CERK: variants seen among roughly 807,000 people sequenced by gnomAD.
The protein encoded by CERK is acylsphingosine kinase.
Under a neutral mutation model 63.4 loss-of-function variants are expected in CERK, and 39 were observed. The observed-to-expected ratio is 0.61, with a 90% confidence interval of 0.48 to 0.80. The LOEUF is 0.80. Among genes scored for constraint, CERK ranks in the 30% least tolerant of loss-of-function variants. The pLI is 0.00. For missense variants in CERK, 670 were observed against 714.1 expected, an observed-to-expected ratio of 0.94 and a Z score of 0.70; for synonymous variants, 302 against 280.0, an observed-to-expected ratio of 1.08 and a Z score of -0.78.
intron 12 of CERK, among the ~76,000 whole-genome samples, chr22:46,687,633 G>A (rs1308245783): frequency 2.0e-5 from 3 of 150,862 alleles, no homozygotes; most frequent in African/African-American, 4.9e-5. Context: ...CAAGGCCTGC[G>A]AGGAGTCTGT....
At chr22:46,718,142 GT>G (rs2082875180) in intron 3 of CERK, among the ~76,000 whole-genome samples, 2 of 152,148 alleles carry the variant, frequency 1.3e-5, no homozygotes, top group Non-Finnish European at 2.9e-5. Flanking sequence ...AGTTAAAATT[GT>G]AGAGTAGCTG....
At chr22:46,711,239 C>A in intron 4 of CERK, 90 bp from the exon 5 acceptor site, 1 of 918,070 alleles carries the variant, frequency 1.1e-6, no homozygotes, top group Non-Finnish European at 1.8e-6. Context: ...AAAATGAGTT[C>A]CTGTAACACC....
intron 1 of CERK, among the ~76,000 whole-genome samples, chr22:46,734,863 T>G (rs878897973): frequency 3.3e-5 from 5 of 152,236 alleles, no homozygotes; most frequent in Non-Finnish European, 5.9e-5. Flanking sequence ...CTTACTTTTG[T>G]AAGCAGGAAA....
In CERK at chr22:46,714,303, G is replaced by A. The variant is rs1445831857; in HGVS notation, c.380-2010C>T. On this transcript the variant is annotated intron_variant, in intron 3 of 12. Coordinates refer to ENST00000216264, the MANE Select transcript of CERK (RefSeq NM_022766.6). This position sits in a 1 kb window ranked among gnomAD's most constrained non-coding sequence, Gnocchi z 4.4. The stretch of plus-strand genomic sequence containing the variant: ...ACAAACAAACAAACAAATTAGCTGG[G>A]TGTGGTGGTATGCCCTTGTAGTCCC... Among the ~76,000 whole-genome samples the A allele has an allele frequency of 6.6e-6, 1 of 152,042 alleles. No homozygotes were observed. The highest frequency in any genetic ancestry group is 1.5e-5 in the Non-Finnish European group (1 of 68,018).
intron 3 of CERK, among the ~76,000 whole-genome samples, chr22:46,717,828 C>A (rs1336795080): frequency 6.6e-6 from 1 of 152,222 alleles, no homozygotes; most frequent in Non-Finnish European, 1.5e-5. Flanking sequence ...AGCCTGTAAT[C>A]CCAGCACTTT....
At position 46,688,249 on chromosome 22, in the gene CERK, C is replaced by T. The variant is rs1010391673; in HGVS notation, c.1542-1043G>A. Among the ~76,000 whole-genome samples, 3 of 152,184 alleles carry T rather than the reference C, an allele frequency of 2.0e-5. No homozygotes were observed. The South Asian group carries it at 6.2e-4, about 32-fold the overall frequency. ...CTGTTTCCATGGAGCTGAGCTCACA[C>T]ACACACAAATTATATTTTTAAAAGC... On this transcript the variant is annotated intron_variant, in intron 12 of 12. Coordinates refer to ENST00000216264, the MANE Select transcript of CERK (RefSeq NM_022766.6).
At chr22:46,706,179 G>C (rs1391273600) in intron 6 of CERK, among the ~76,000 whole-genome samples, 2 of 152,226 alleles carry the variant, frequency 1.3e-5, no homozygotes, top group Non-Finnish European at 2.9e-5. Flanking sequence ...GAGGGAGTTT[G>C]GGTGCCAGGG....
At chr22:46,706,452 G>A (rs909794906) in intron 6 of CERK, among the ~76,000 whole-genome samples, 1 of 152,092 alleles carries the variant, frequency 6.6e-6, no homozygotes, top group Non-Finnish European at 1.5e-5. Context: ...TGAGAGACTT[G>A]TTATTGGAAG....
At chr22:46,693,351 A>G in intron 10 of CERK, 76 bp downstream of exon 10, 1 of 1,171,532 alleles carries the variant, frequency 8.5e-7, no homozygotes, top group Non-Finnish European at 1.3e-6. Flanking sequence ...GAGAAGAGGC[A>G]GTGCCCTGAG....
chr22:46,717,164 C>T (rs1024175439), intron 3 of CERK, among the ~76,000 whole-genome samples: 5 of 152,146 alleles, frequency 3.3e-5, no homozygotes, highest in African/African-American at 1.2e-4. Flanking sequence ...AAAGGTGTGG[C>T]TAAGATGTGG....
At chr22:46,697,479 C>T (rs2082762185) in intron 8 of CERK, among the ~76,000 whole-genome samples, 1 of 151,770 alleles carries the variant, frequency 6.6e-6, no homozygotes, top group Non-Finnish European at 1.5e-5. Flanking sequence ...GAGATGGGGT[C>T]TCCCTATGTC....
At position 46,684,482 on chromosome 22, in the gene CERK, C is replaced by T. The variant is rs189910453; in HGVS notation, c.*2652G>A. ...ATAATGCCATTTTCTAATCTTGAAA[C>T]CAGCAAGATTAGAAAGAGAATGAGG... is the stretch of plus-strand genomic sequence containing the variant. On this transcript the variant is annotated 3_prime_UTR_variant, in exon 13 of 13. Transcript: ENST00000216264. 5 of 152,262 alleles carry T rather than the reference C, an allele frequency of 3.3e-5. No individual in the cohort carries two copies. Among genetic ancestry groups the T allele is most frequent in the African/African-American group, 1.2e-4 (5 of 41,530 alleles). 9.4% of individuals were successfully genotyped at this position (152,262 alleles called of 1,614,324 possible).
At chr22:46,696,793 G>T (rs998036026) in intron 8 of CERK, among the ~76,000 whole-genome samples, 5 of 152,206 alleles carry the variant, frequency 3.3e-5, no homozygotes, top group Non-Finnish European at 5.9e-5. Flanking sequence ...ATCCTGGTGG[G>T]AGGGACAGAG....
chr22:46,737,903 C>A, intron 1 of CERK, 104 bp downstream of exon 1: 5 of 796,972 alleles, frequency 6.3e-6, no homozygotes, highest in South Asian at 1.2e-4. Flanking sequence ...CCCGGCCTTA[C>A]CACAGCCGCT....
chr22:46,688,125 T>G (rs2082712755), intron 12 of CERK, among the ~76,000 whole-genome samples: 1 of 152,014 alleles, frequency 6.6e-6, no homozygotes, highest in Admixed American at 6.6e-5. Flanking sequence ...GAGGCAGAGG[T>G]TGCAGTGAGC....
chr22:46,712,628 G>C (rs115137642), intron 3 of CERK, among the ~76,000 whole-genome samples: 1 of 152,188 alleles, frequency 6.6e-6, no homozygotes. Context: ...TCTTCTGCAG[G>C]TGAAGGAGGT....
chr22:46,685,269 C>G lies in CERK; in HGVS notation c.*1865G>C, dbSNP rs1330775434. The G allele has an allele frequency of 2.0e-5, 3 of 152,284 alleles. No homozygotes were observed. Among genetic ancestry groups the G allele is most frequent in the Non-Finnish European group, 2.9e-5 (2 of 68,080 alleles). 9.4% of individuals were successfully genotyped at this position (152,284 alleles called of 1,614,324 possible). Reference sequence around the variant, plus strand: ...TATTTTTAGTAGAGACGAGGTTTCACCATGTTGGGCAGGCTGATCTCAAAC... The same window carrying G: ...TATTTTTAGTAGAGACGAGGTTTCAGCATGTTGGGCAGGCTGATCTCAAAC... On this transcript the variant is annotated 3_prime_UTR_variant, in exon 13 of 13. Transcript: ENST00000216264.
rs1489680266 is a variant in CERK, at chr22:46,691,162, C to T, written c.1332+410G>A. The stretch of plus-strand genomic sequence containing the variant: ...TGATCTCAGCTCACTGTAGCCTCCA[C>T]CTCCTGGGTTCAAGCGATTCTCATG... On this transcript the variant is annotated intron_variant, in intron 11 of 12. Coordinates refer to ENST00000216264, the MANE Select transcript of CERK (RefSeq NM_022766.6). Among the ~76,000 whole-genome samples, 6 of 152,120 alleles carry T rather than the reference C, an allele frequency of 3.9e-5. No individual in the cohort carries two copies. In the South Asian group the frequency reaches 6.2e-4, roughly 16 times the overall value.
At chr22:46,720,561 T>A (rs541272873) in intron 2 of CERK, among the ~76,000 whole-genome samples, 3 of 152,166 alleles carry the variant, frequency 2.0e-5, no homozygotes, top group Admixed American at 2.0e-4. Context: ...CCGGGTGTGG[T>A]GGCGGGCACC....
Sources: gnomAD v4.1 joint callset for allele counts (sites outside exome capture counted in the v4.1 genomes callset) on GRCh38, gnomAD v4.1.1 for gene constraint, Gnocchi (gnomAD v3.1) non-coding constraint, MANE v1.5 for transcripts, NCBI Gene and HGNC (gene_info 2026-07-23, HGNC 2026-07-21) for gene names.